Variants in DIO2 observed in about 807,000 individuals in gnomAD.
DIO2 encodes iodothyronine deiodinase 2.
DIO2 carries 19 observed loss-of-function variants against 21.4 expected under a neutral mutation model. The observed-to-expected ratio is 0.89, with a 90% CI of 0.62 to 1.30. DIO2 has a LOEUF of 1.30. DIO2 is among the 50% of genes most tolerant of loss of function. DIO2 has a pLI of 0.00. For synonymous variants in DIO2, 122 were observed against 132.9 expected (o/e 0.92, Z 0.57); for missense variants, 302 against 338.1 (o/e 0.89, Z 0.84).
intron 1 of DIO2, among the ~76,000 whole-genome samples, chr14:80,207,896 C>T (rs1888011435): frequency 6.6e-6 from 1 of 152,098 alleles, no homozygotes; most frequent in Non-Finnish European, 1.5e-5. Context: ...TTAAAAGGGC[C>T]ATTTTCCATT....
intron 1 of DIO2, chr14:80,205,647 G>A: frequency 7.5e-7 from 1 of 1,331,994 alleles, no homozygotes; most frequent in Middle Eastern, 2.1e-4. Flanking sequence ...CTCCTTCTTA[G>A]AAACAATGTA....
chr14:80,202,261 A>T lies in DIO2; in HGVS notation c.*428T>A. Reference sequence around the variant, plus strand: ...TGTTGTAATATTTGGGAATTTTCCAACTGGGCTCCATCCATGCCAAATAGA... The same window carrying T: ...TGTTGTAATATTTGGGAATTTTCCATCTGGGCTCCATCCATGCCAAATAGA... On this transcript the variant is annotated 3_prime_UTR_variant, in exon 2 of 2. Transcript: ENST00000438257. 1.9e-6 allele frequency: 1 copy of T among 514,628 alleles called. No homozygotes were observed. The highest frequency in any genetic ancestry group is 3.9e-6 in the Non-Finnish European group (1 of 258,958). 31.9% of individuals were successfully genotyped at this position (514,628 alleles called of 1,614,324 possible). A position where few individuals can be genotyped will look rare whatever the true frequency, so the allele number is the denominator to read the frequency against.
intron 2 of DIO2, among the ~76,000 whole-genome samples, chr14:80,218,103 T>C (rs911757429): frequency 2.0e-5 from 3 of 152,174 alleles, no homozygotes; most frequent in Non-Finnish European, 2.9e-5. Context: ...CTAAAAATAT[T>C]CAATATAAAA....
chr14:80,227,408 C>A (rs7145584), intron 2 of DIO2, among the ~76,000 whole-genome samples: 24,064 of 152,184 alleles, frequency 0.16, 2,631 homozygotes, highest in East Asian at 0.3. Context: ...GCTGCTGTGC[C>A]TGAACCACTT....
In DIO2 at chr14:80,202,582, T is replaced by A; in HGVS notation, c.*107A>T. The A allele has an allele frequency of 8.5e-7, 1 of 1,171,312 alleles. No homozygotes were observed. The highest frequency in any genetic ancestry group is 1.2e-6 in the Non-Finnish European group (1 of 849,628). 72.6% of individuals were successfully genotyped at this position (1,171,312 alleles called of 1,614,324 possible). A position where few individuals can be genotyped will look rare whatever the true frequency, so the allele number is the denominator to read the frequency against. ...CATGTTCTTCCGATAGATAAACTCC[T>A]GTCTTTCAGTAAGCCAATAGGGCTC... On this transcript the variant is annotated 3_prime_UTR_variant, in exon 2 of 2. Coordinates refer to ENST00000438257, the MANE Select transcript of DIO2 (RefSeq NM_013989.5).
upstream of DIO2, chr14:80,216,076 G>C (rs983935637): frequency 1.3e-5 from 2 of 152,294 alleles, no homozygotes; most frequent in African/African-American, 4.8e-5. Context: ...AGTGCTGGCA[G>C]ACAGCACCCA....
At chr14:80,220,546 A>C (rs1221647006) in intron 2 of DIO2, among the ~76,000 whole-genome samples, 2 of 152,214 alleles carry the variant, frequency 1.3e-5, no homozygotes, top group African/African-American at 4.8e-5. Flanking sequence ...ATTTTCATAA[A>C]ACATGCTGAC....
chr14:80,225,631 T>C (rs1045924825), intron 2 of DIO2, among the ~76,000 whole-genome samples: 1 of 152,234 alleles, frequency 6.6e-6, no homozygotes, highest in South Asian at 2.1e-4. Context: ...CCATTCTGTA[T>C]TTCTTTTGCC....
intron 1 of DIO2, among the ~76,000 whole-genome samples, chr14:80,208,371 G>A (rs919396438): frequency 8.6e-5 from 13 of 151,498 alleles, no homozygotes; most frequent in African/African-American, 3.2e-4. Flanking sequence ...TTTAAGAAAG[G>A]GTTTATTTAA....
upstream of DIO2, among the ~76,000 whole-genome samples, chr14:80,215,454 A>G (rs767257850): frequency 4.6e-4 from 70 of 152,204 alleles, no homozygotes; most frequent in Non-Finnish European, 5.6e-4. Context: ...TAAGCACAAC[A>G]GTTGCCATTA....
At chr14:80,207,244 T>C (rs1003911486) in intron 1 of DIO2, among the ~76,000 whole-genome samples, 10 of 152,236 alleles carry the variant, frequency 6.6e-5, no homozygotes, top group East Asian at 5.8e-4. Flanking sequence ...ATATAGCATA[T>C]ATAAAAATTT....
intron 1 of DIO2, among the ~76,000 whole-genome samples, chr14:80,209,334 A>T (rs1888072922): frequency 6.6e-6 from 1 of 151,980 alleles, no homozygotes; most frequent in South Asian, 2.1e-4. Flanking sequence ...GTATATAAGT[A>T]AAATTCTTCC....
intron 1 of DIO2, among the ~76,000 whole-genome samples, chr14:80,208,261 T>C (rs939416312): frequency 7.4e-4 from 113 of 152,296 alleles, no homozygotes; most frequent in African/African-American, 2.6e-3. Context: ...GTCTATAGAC[T>C]TTCCTTTCAA....
At chr14:80,220,913 A>G (rs780621873) in intron 2 of DIO2, among the ~76,000 whole-genome samples, 5 of 152,198 alleles carry the variant, frequency 3.3e-5, no homozygotes, top group Non-Finnish European at 7.3e-5. Flanking sequence ...GGAAGTATTT[A>G]TGAAATACAG....
intron 1 of DIO2, among the ~76,000 whole-genome samples, chr14:80,204,999 A>G (rs1026509294): frequency 6.6e-6 from 1 of 152,198 alleles, no homozygotes; most frequent in Admixed American, 6.5e-5. Context: ...AGTCACCACC[A>G]CAGAGAAAAT....
In DIO2 at chr14:80,202,937, A is replaced by G. The variant is rs777896039; in HGVS notation, c.574T>C (p.Cys192Arg). 9 of 1,614,000 alleles carry G rather than the reference A, an allele frequency of 5.6e-6. No individual in the cohort carries two copies. Among genetic ancestry groups the G allele is most frequent in the Non-Finnish European group, 5.9e-6 (7 of 1,179,892 alleles). ...TCCAGAAGCTGCTGGGCTGCTGCAC[A>G]TCGATCTTCCTGGTTCTGGTGCTTC... ...VKKHQNQEDR[C>R]AAAQQLLERF... is the part of the protein sequence containing the mutation. Residue 192 changes from cysteine (C) to arginine (R), a missense_variant, in exon 2 of 2, where the codon TGT (cysteine) becomes CGT (arginine). Cys to Arg is a radical substitution (Grantham distance 180). Transcript: ENST00000438257.
chr14:80,224,762 TAA>T (rs1181011009), intron 2 of DIO2, among the ~76,000 whole-genome samples: 4 of 152,192 alleles, frequency 2.6e-5, no homozygotes, highest in Non-Finnish European at 2.9e-5. Flanking sequence ...TCCTGTTTTG[TAA>T]AAACTAAAGA....
chr14:80,211,545 G>T, upstream of DIO2: 2 of 316,806 alleles, frequency 6.3e-6, no homozygotes, highest in Non-Finnish European at 1.1e-5. Flanking sequence ...AAGGGGGGTG[G>T]TGATAAAGGG....
intron 1 of DIO2, among the ~76,000 whole-genome samples, chr14:80,206,012 C>G (rs1368238186): frequency 3.9e-5 from 6 of 152,092 alleles, no homozygotes; most frequent in African/African-American, 9.7e-5. Context: ...CCAAAATCAG[C>G]ACTCAATGTT....
Sources: gnomAD v4.1 joint callset for allele counts (sites outside exome capture counted in the v4.1 genomes callset) on GRCh38, gnomAD v4.1.1 for gene constraint, MANE v1.5 for transcripts, NCBI Gene and HGNC (gene_info 2026-07-23, HGNC 2026-07-21) for gene names.